Variants in ANO2 observed in about 807,000 individuals in gnomAD.
ANO2 encodes anoctamin 2.
ANO2 carries 101 observed loss-of-function variants against 124.2 expected under a neutral mutation model. The ratio of observed to expected loss-of-function variants is 0.81; its 90% CI spans 0.69 to 0.96. The LOEUF is 0.96. Ranked by LOEUF, ANO2 falls within the 40% of genes least tolerant of loss-of-function variation. The pLI is 0.00. For synonymous variants in ANO2, 486 were observed against 482.5 expected, an observed-to-expected ratio of 1.01 and a Z score of -0.09; for missense variants, 1,293 against 1,274.5, an observed-to-expected ratio of 1.01 and a Z score of -0.22.
At chr12:5,630,999 CCCCCATCAGT>C (rs1439014996) in intron 16 of ANO2, among the ~76,000 whole-genome samples, 6 of 152,174 alleles carry the variant, frequency 3.9e-5, no homozygotes, top group Admixed American at 6.5e-5. Context: ...TCCACGGCAG[CCCCCATCAGT>C]CTGGGTCCCT....
chr12:5,604,028 A>G (rs1944087915), intron 19 of ANO2, among the ~76,000 whole-genome samples: 1 of 151,782 alleles, frequency 6.6e-6, no homozygotes, highest in African/African-American at 2.4e-5. Flanking sequence ...GACCTTGTAC[A>G]CCATATTATG....
intron 19 of ANO2, among the ~76,000 whole-genome samples, chr12:5,604,847 C>A (rs903232312): frequency 6.6e-6 from 1 of 151,948 alleles, no homozygotes; most frequent in Non-Finnish European, 1.5e-5. Context: ...ATTACGATTC[C>A]GACCGTATGA....
At chr12:5,665,321 C>T (rs1947645160) in intron 14 of ANO2, among the ~76,000 whole-genome samples, 1 of 152,160 alleles carries the variant, frequency 6.6e-6, no homozygotes, top group Non-Finnish European at 1.5e-5. Flanking sequence ...AGGGCAAGGA[C>T]CCATTCCCAT....
chr12:5,797,790 G>A (rs902975762), intron 10 of ANO2, among the ~76,000 whole-genome samples: 6 of 152,288 alleles, frequency 3.9e-5, no homozygotes, highest in African/African-American at 1.4e-4. Context: ...CAGGCCATCT[G>A]ATCTGTGAGG....
intron 16 of ANO2, among the ~76,000 whole-genome samples, chr12:5,634,044 G>A (rs1444820816): frequency 6.6e-6 from 1 of 152,100 alleles, no homozygotes; most frequent in African/African-American, 2.4e-5. Flanking sequence ...ATAGAATCCT[G>A]TCTGTCATTA....
chr12:5,854,134 C>A lies in ANO2; in HGVS notation c.542G>T (p.Ser181Ile). The change falls in exon 4 of 25, where the codon AGC becomes ATC. Residue 181 changes from serine (S) to isoleucine (I), a missense_variant. Transcript: ENST00000682330. ...LELEKDLENK[S>I]QGSIFVRIHA... ...TATCCGGACAAAGATGGATCCCTGGCTTTTATTCTGCAAGGTACAAAGAAA... is the reference window on the plus strand; with the variant it reads ...TATCCGGACAAAGATGGATCCCTGGATTTTATTCTGCAAGGTACAAAGAAA... 1 of 1,612,990 alleles carries A rather than the reference C, an allele frequency of 6.2e-7. No homozygotes were observed. The highest frequency in any genetic ancestry group is 8.5e-7 in the Non-Finnish European group (1 of 1,179,242).
At chr12:5,944,968 TA>T (rs112956167) in intron 1 of ANO2, among the ~76,000 whole-genome samples, 17 of 145,954 alleles carry the variant, frequency 1.2e-4, no homozygotes, top group African/African-American at 3.5e-4. Context: ...CTCCTTGAGT[TA>T]AAAAAAAAAC....
At position 5,813,491 on chromosome 12, in the gene ANO2, G is replaced by T. The variant is rs532279168; in HGVS notation, c.893-6123C>A. Among the ~76,000 whole-genome samples the T allele has an allele frequency of 3.3e-4, 51 of 152,312 alleles. No individual in the cohort carries two copies. The South Asian group carries it at 0.01, about 31-fold the overall frequency. The stretch of plus-strand genomic sequence containing the variant: ...TGGGACCTGGACAGCCAGGGTTTTA[G>T]CAAGCACACCAGGTGATTCTGATGC... On this transcript the variant is annotated intron_variant, in intron 7 of 24. Coordinates refer to ENST00000682330, the MANE Select transcript of ANO2 (RefSeq NM_001364791.2).
chr12:5,873,243 CTCTG>C (rs1204998372), intron 3 of ANO2, among the ~76,000 whole-genome samples: 43 of 132,846 alleles, frequency 3.2e-4, no homozygotes, highest in African/African-American at 4.4e-4. Context: ...CTCTCTCTCT[CTCTG>C]TCTGTCTCTC....
chr12:5,923,788 T>C lies in ANO2; in HGVS notation c.23-984A>G, dbSNP rs146832671. 1.8e-3 allele frequency among the ~76,000 whole-genome samples: 272 copies of C among 152,230 alleles called. 2 individuals are homozygous for C. Among genetic ancestry groups the C allele is most frequent in the African/African-American group, 6.1e-3 (255 of 41,526 alleles). On this transcript the variant is annotated intron_variant, in intron 1 of 24. Transcript: ENST00000682330. ...GTACAGACCCCACTGGAACCGCGAG[T>C]TGCCAAGGTCTCAGCGCAGGTCAGA...
intron 14 of ANO2, among the ~76,000 whole-genome samples, chr12:5,682,989 G>A (rs114132863): frequency 1.3e-4 from 20 of 152,258 alleles, no homozygotes; most frequent in African/African-American, 4.6e-4. Flanking sequence ...ACTGGGGACC[G>A]TGGACCCCTT....
At position 5,635,637 on chromosome 12, in the gene ANO2, T is replaced by A. The variant is rs1007890748; in HGVS notation, c.1621-290A>T. Among the ~76,000 whole-genome samples the A allele has an allele frequency of 7.2e-6, 1 of 139,512 alleles. No homozygotes were observed. Among genetic ancestry groups the A allele is most frequent in the African/African-American group, 3.0e-5 (1 of 32,924 alleles). 91.5% of individuals were successfully genotyped at this position (139,512 alleles called of 152,430 possible). ...CACACACACACACACACAATAAGGA[T>A]GAACATGCTGGACCCTGTGGAGTGT... is the stretch of plus-strand genomic sequence containing the variant. On this transcript the variant is annotated intron_variant, in intron 15 of 24. Coordinates refer to ENST00000682330, the MANE Select transcript of ANO2 (RefSeq NM_001364791.2). The surrounding 1 kb of genome is among the most constrained non-coding windows in gnomAD (Gnocchi z 5.2).
intron 23 of ANO2, among the ~76,000 whole-genome samples, chr12:5,574,992 C>CA (rs529297316): frequency 2.7e-4 from 41 of 152,134 alleles, no homozygotes; most frequent in Non-Finnish European, 5.6e-4. Context: ...CTAACCATAT[C>CA]ACCTAGCACC....
intron 7 of ANO2, among the ~76,000 whole-genome samples, chr12:5,812,762 G>T (rs1238955151): frequency 1.2e-5 from 1 of 83,988 alleles, no homozygotes; most frequent in Non-Finnish European, 2.6e-5. Context: ...GGGAGGGAGG[G>T]AAGGCAGGCA....
At position 5,616,714 on chromosome 12, in the gene ANO2, G is replaced by T. The variant is rs138542406; in HGVS notation, c.1817-1417C>A. Among the ~76,000 whole-genome samples the T allele has an allele frequency of 6.0e-3, 917 of 152,236 alleles. 4 individuals are homozygous for T. Among genetic ancestry groups the T allele is most frequent in the African/African-American group, 0.017 (690 of 41,520 alleles). The stretch of plus-strand genomic sequence containing the variant: ...TATAGCTTTTGTAGGAATCGCTGAA[G>T]AAATGGACACAAAACTTTGTTTCTT... On this transcript the variant is annotated intron_variant, in intron 16 of 24. Transcript: ENST00000682330.
chr12:5,704,859 A>C (rs1949544117), intron 14 of ANO2, among the ~76,000 whole-genome samples: 1 of 152,236 alleles, frequency 6.6e-6, no homozygotes, highest in South Asian at 2.1e-4. Flanking sequence ...CACAGATTAT[A>C]ACAAGAATTA....
intron 20 of ANO2, among the ~76,000 whole-genome samples, chr12:5,580,316 T>A (rs6489643): frequency 0.24 from 36,228 of 152,188 alleles, 7,077 homozygotes; most frequent in African/African-American, 0.52. Flanking sequence ...AATGGTATCT[T>A]TTATGTGTAA....
At chr12:5,842,416 C>T (rs371769658) in intron 4 of ANO2, among the ~76,000 whole-genome samples, 23 of 152,264 alleles carry the variant, frequency 1.5e-4, no homozygotes, top group East Asian at 1.2e-3. Flanking sequence ...TAGCAAAGGA[C>T]GCAGATCAGG....
chr12:5,713,093 G>C (rs1949874123), intron 14 of ANO2, among the ~76,000 whole-genome samples: 1 of 152,230 alleles, frequency 6.6e-6, no homozygotes, highest in Non-Finnish European at 1.5e-5. Flanking sequence ...GCCTGACAAA[G>C]GAGGAGAGAC....
Sources: gnomAD v4.1 joint callset for allele counts (sites outside exome capture counted in the v4.1 genomes callset) on GRCh38, gnomAD v4.1.1 for gene constraint, Gnocchi (gnomAD v3.1) non-coding constraint, MANE v1.5 for transcripts, NCBI Gene and HGNC (gene_info 2026-07-23, HGNC 2026-07-21) for gene names.